The following SPEG variants were observed in gnomAD, a reference collection of about 807,000 sequenced individuals.
The protein encoded by SPEG is striated muscle enriched protein kinase.
A neutral mutation model predicts 300.4 loss-of-function variants in SPEG; 114 were observed. That is an observed-to-expected ratio of 0.38 (90% CI 0.33 to 0.44). SPEG has a LOEUF of 0.44. Ranked by LOEUF, SPEG falls within the 20% of genes least tolerant of loss-of-function variation. The pLI is 1.00. For synonymous variants in SPEG, 1,964 were observed against 2,018.9 expected, an observed-to-expected ratio of 0.97 and a Z score of 0.73; for missense variants, 4,201 against 4,586.2, an observed-to-expected ratio of 0.92 and a Z score of 2.43.
intron 6 of SPEG, among the ~76,000 whole-genome samples, chr2:219,457,978 C>T (rs1690323489): frequency 6.6e-6 from 1 of 152,184 alleles, no homozygotes; most frequent in South Asian, 2.1e-4. Context: ...CTCCCACGCC[C>T]CTTACCTGCT....
Position 219,479,714 on chromosome 2 carries a change from T to C in SPEG, c.5086-69T>C. On this transcript the variant is annotated intron_variant, in intron 23 of 40. Transcript: ENST00000312358. This position sits in a 1 kb window ranked among gnomAD's most constrained non-coding sequence, Gnocchi z 5.5. ...ACTCCACAGGCACAGCCGGACCGCT[T>C]GCCGCCCTGGAGGTGTTCAGACATA... is the stretch of plus-strand genomic sequence containing the variant. 6.8e-7 allele frequency: 1 copy of C among 1,469,494 alleles called. No individual in the cohort carries two copies. The highest frequency in any genetic ancestry group is 9.5e-7 in the Non-Finnish European group (1 of 1,051,876). 91.0% of individuals were successfully genotyped at this position (1,469,494 alleles called of 1,614,324 possible).
chr2:219,471,872 G>A lies in SPEG; in HGVS notation c.3720G>A (p.Arg1240=). Residue 1240 remains arginine (R), a synonymous_variant, in exon 14 of 41, where the codon AGG becomes AGA. Transcript: ENST00000312358. ...TCACTGTCCCTCCCCTCCCAGACAG[G>A]GATGTCCATCGCTTGGTGTTCCCTG... is the stretch of plus-strand genomic sequence containing the variant. ...SSDDRRMTQY[R]DVHRLVFPAV... 6.2e-7 allele frequency: 1 copy of A among 1,614,024 alleles called. No individual in the cohort carries two copies. The highest frequency in any genetic ancestry group is 8.5e-7 in the Non-Finnish European group (1 of 1,180,004).
intron 1 of SPEG, among the ~76,000 whole-genome samples, chr2:219,442,376 C>T (rs1688985709): frequency 6.6e-6 from 1 of 151,838 alleles, no homozygotes; most frequent in Admixed American, 6.5e-5. Context: ...CGTGGAGCGC[C>T]CACTTGCTTC....
intron 1 of SPEG, among the ~76,000 whole-genome samples, chr2:219,436,877 G>T (rs1249782615): frequency 1.3e-5 from 2 of 152,222 alleles, no homozygotes; most frequent in Admixed American, 6.5e-5. Flanking sequence ...GGCAAAGAGG[G>T]CTGAAAATAG....
chr2:219,434,994 G>T lies in SPEG; in HGVS notation c.17G>T (p.Gly6Val). The change falls in exon 1 of 41, where the codon GGC (glycine) becomes GTC (valine). Residue 6 changes from glycine to valine, a missense_variant. By Grantham distance (109) the Gly-to-Val change is moderately radical (BLOSUM62 -3). Coordinates refer to ENST00000312358, the MANE Select transcript of SPEG (RefSeq NM_005876.5). ...TCAGTGGCCATGCAGAAAGCCCGGG[G>T]CACGCGAGGCGAGGATGCGGGCACG... is the stretch of plus-strand genomic sequence containing the variant. MQKAR[G>V]TRGEDAGTRA... 3 of 1,505,638 alleles carry T rather than the reference G, an allele frequency of 2.0e-6. No homozygotes were observed. Among genetic ancestry groups the T allele is most frequent in the Non-Finnish European group, 2.6e-6 (3 of 1,134,956 alleles). The allele number at this position is 1,505,638 out of a possible 1,614,324, so 93.3% of individuals were successfully genotyped here.
At chr2:219,447,814 G>GTGCGCTCC (rs1303620686) in intron 3 of SPEG, among the ~76,000 whole-genome samples, 160 bp from the exon 4 acceptor site, 3 of 151,262 alleles carry the variant, frequency 2.0e-5, no homozygotes, top group Non-Finnish European at 3.0e-5. Context: ...TGCTCTGGCT[G>GTGCGCTCC]TGCGCTCCTC....
chr2:219,492,471 C>A, intron 40 of SPEG, 123 bp from the exon 41 acceptor site: 1 of 1,187,316 alleles, frequency 8.4e-7, no homozygotes, highest in Non-Finnish European at 1.2e-6. Flanking sequence ...AGCTCTTGAG[C>A]TGCCCAAGAT....
At chr2:219,455,648 T>C (rs1690119939) in intron 6 of SPEG, among the ~76,000 whole-genome samples, 1 of 152,130 alleles carries the variant, frequency 6.6e-6, no homozygotes, top group African/African-American at 2.4e-5. Flanking sequence ...TTCCTGTTGC[T>C]CTGAAGAAGT....
In SPEG at chr2:219,439,731, A is replaced by C. The variant is rs1461685385; in HGVS notation, c.388+4366A>C. Among the ~76,000 whole-genome samples the C allele has an allele frequency of 3.3e-5, 5 of 152,102 alleles. No individual in the cohort carries two copies. The highest frequency in any genetic ancestry group is 7.4e-5 in the Non-Finnish European group (5 of 68,010). On this transcript the variant is annotated intron_variant, in intron 1 of 40. Coordinates refer to ENST00000312358, the MANE Select transcript of SPEG (RefSeq NM_005876.5). This position sits in a 1 kb window ranked among gnomAD's most constrained non-coding sequence, Gnocchi z 4.5. ...TGAGCAGTGCCGACCCAGAGCAGGAACACAGAATCCTGCCGGCCCCTCCTG... is the reference window on the plus strand; with the variant it reads ...TGAGCAGTGCCGACCCAGAGCAGGACCACAGAATCCTGCCGGCCCCTCCTG...
Position 219,484,800 on chromosome 2 carries a change from G to T in SPEG, c.7337G>T (p.Arg2446Leu), listed in dbSNP as rs1480775378. Residue 2446 changes from arginine to leucine, a missense_variant, in exon 30 of 41, where the codon CGG becomes CTG. Arg to Leu is a moderately radical substitution (Grantham distance 102, BLOSUM62 -2). Transcript: ENST00000312358. ...GESSEGGSSA[R>L]GSPVLAMRRR... is the part of the protein sequence containing the mutation. Reference sequence around the variant, plus strand: ...AGCTCGGAGGGCGGGAGCTCGGCGCGGGGCTCCCCGGTGCTGGCGATGCGC... The same window carrying T: ...AGCTCGGAGGGCGGGAGCTCGGCGCTGGGCTCCCCGGTGCTGGCGATGCGC... 2.7e-6 allele frequency: 4 copies of T among 1,476,270 alleles called. No individual in the cohort carries two copies. Among genetic ancestry groups the T allele is most frequent in the Admixed American group, 2.4e-5 (1 of 41,450 alleles). 91.4% of individuals were successfully genotyped at this position (1,476,270 alleles called of 1,614,324 possible). A position where few individuals can be genotyped will look rare whatever the true frequency, so the allele number is the denominator to read the frequency against.
At position 219,490,980 on chromosome 2, in the gene SPEG, G is replaced by C. The variant is rs770454624; in HGVS notation, c.9385+24G>C. On this transcript the variant is annotated intron_variant, in intron 38 of 40. Coordinates refer to ENST00000312358, the MANE Select transcript of SPEG (RefSeq NM_005876.5). The stretch of plus-strand genomic sequence containing the variant: ...GGGTGAGGGGACCAGCTGCCAGCCA[G>C]GGTGGGGACAGGGCCCTGCCAGAGA... 3.1e-6 allele frequency: 5 copies of C among 1,594,036 alleles called. No individual in the cohort carries two copies. In the East Asian group the frequency reaches 1.1e-4, roughly 36 times the overall value.
Position 219,479,709 on chromosome 2 carries a change from C to A in SPEG, c.5086-74C>A. 1 of 1,415,972 alleles carries A rather than the reference C, an allele frequency of 7.1e-7. No individual in the cohort carries two copies. The highest frequency in any genetic ancestry group is 1.2e-5 in the South Asian group (1 of 86,726). The allele number at this position is 1,415,972 out of a possible 1,614,324, so 87.7% of individuals were successfully genotyped here. The stretch of plus-strand genomic sequence containing the variant: ...AGGCTACTCCACAGGCACAGCCGGA[C>A]CGCTTGCCGCCCTGGAGGTGTTCAG... On this transcript the variant is annotated intron_variant, in intron 23 of 40. Coordinates refer to ENST00000312358, the MANE Select transcript of SPEG (RefSeq NM_005876.5). This position sits in a 1 kb window ranked among gnomAD's most constrained non-coding sequence, Gnocchi z 5.5.
chr2:219,449,346 G>A (rs760235249), intron 4 of SPEG, 75 bp downstream of exon 4: 6 of 1,200,472 alleles, frequency 5.0e-6, no homozygotes, highest in Non-Finnish European at 6.4e-6. Flanking sequence ...AGACTGCTCA[G>A]CAGGAGCCGG....
At position 219,473,826 on chromosome 2, in the gene SPEG, G is replaced by A. The variant is rs752216303; in HGVS notation, c.4370G>A (p.Arg1457Gln). 4.3e-5 allele frequency: 70 copies of A among 1,613,810 alleles called. No individual in the cohort carries two copies. Among genetic ancestry groups the A allele is most frequent in the Non-Finnish European group, 5.0e-5 (59 of 1,180,024 alleles). The change falls in exon 18 of 41, where the codon CGG (arginine) becomes CAG (glutamine). Residue 1457 changes from arginine (R) to glutamine (Q), a missense_variant. Coordinates refer to ENST00000312358, the MANE Select transcript of SPEG (RefSeq NM_005876.5). This position sits in a 1 kb window ranked among gnomAD's most constrained non-coding sequence, Gnocchi z 4.6. ...CTTCGGATCTGCCGGGTGAGCCGCC[G>A]GGACATGGGGGCCCTCACCTGCACC... is the stretch of plus-strand genomic sequence containing the variant. ...YCLRICRVSR[R>Q]DMGALTCTAR...
In SPEG at chr2:219,477,245, G is replaced by A; in HGVS notation, c.4561-32G>A. 1 of 1,154,394 alleles carries A rather than the reference G, an allele frequency of 8.7e-7. No individual in the cohort carries two copies. The allele number at this position is 1,154,394 out of a possible 1,614,324, so 71.5% of individuals were successfully genotyped here. A position where few individuals can be genotyped will look rare whatever the true frequency, so the allele number is the denominator to read the frequency against. On this transcript the variant is annotated intron_variant, in intron 19 of 40. Coordinates refer to ENST00000312358, the MANE Select transcript of SPEG (RefSeq NM_005876.5). This position sits in a 1 kb window ranked among gnomAD's most constrained non-coding sequence, Gnocchi z 6.4. ...GGCCCCAAGGTAGAGATGAGGCCAG[G>A]CCCAGGCTGAAGGTGAGACCCCACT...
In SPEG at chr2:219,477,883, AC is replaced by A. The variant is rs1559410042; in HGVS notation, c.4827-17del. On this transcript the variant is annotated intron_variant, in intron 21 of 40. Coordinates refer to ENST00000312358, the MANE Select transcript of SPEG (RefSeq NM_005876.5). This position sits in a 1 kb window ranked among gnomAD's most constrained non-coding sequence, Gnocchi z 6.4. Reference sequence around the variant, plus strand: ...GGGCCACAGTGATGGCTGATCTCTGACCCCCTCCCTGTGTCAACCAGGGGTG... The same window carrying A: ...GGGCCACAGTGATGGCTGATCTCTGACCCCTCCCTGTGTCAACCAGGGGTG... The A allele has an allele frequency of 3.7e-6, 6 of 1,610,926 alleles. No individual in the cohort carries two copies. Among genetic ancestry groups the A allele is most frequent in the South Asian group, 3.3e-5 (3 of 90,942 alleles).
intron 18 of SPEG, 81 bp from the exon 19 acceptor site, chr2:219,476,789 G>A: frequency 9.2e-7 from 1 of 1,092,668 alleles, no homozygotes; most frequent in Non-Finnish European, 1.4e-6. Flanking sequence ...ACTGATGGGG[G>A]ATCTTGGGAG....
rs956145895 is a variant in SPEG at position 219,479,374 on chromosome 2, C to G, written c.5085+173C>G. Among the ~76,000 whole-genome samples the G allele has an allele frequency of 6.6e-6, 1 of 152,156 alleles. No homozygotes were observed. Among genetic ancestry groups the G allele is most frequent in the African/African-American group, 2.4e-5 (1 of 41,408 alleles). On this transcript the variant is annotated intron_variant, in intron 23 of 40. Coordinates refer to ENST00000312358, the MANE Select transcript of SPEG (RefSeq NM_005876.5). The surrounding 1 kb of genome is among the most constrained non-coding windows in gnomAD (Gnocchi z 5.5). Reference sequence around the variant, plus strand: ...AGTCCCCACCCAATGATACCAGACCCCCATCTATCTGAGACTTGTGCTATT... The same window carrying G: ...AGTCCCCACCCAATGATACCAGACCGCCATCTATCTGAGACTTGTGCTATT...
chr2:219,489,528 C>T lies in SPEG; in HGVS notation c.8510C>T (p.Ala2837Val). 1 of 1,613,214 alleles carries T rather than the reference C, an allele frequency of 6.2e-7. No individual in the cohort carries two copies. The highest frequency in any genetic ancestry group is 1.3e-5 in the African/African-American group (1 of 74,826). ...AGCCAGGCCTTGTCCTCGCTCAAGG[C>T]TGTGGGTCCACCACCCCAAACCCCT... is the stretch of plus-strand genomic sequence containing the variant. ...PPSQALSSLKAVGPPPQTPPR... is the reference protein window; with the variant it reads ...PPSQALSSLKVVGPPPQTPPR... Residue 2837 changes from alanine to valine, a missense_variant, in exon 36 of 41, where the codon GCT (alanine) becomes GTT (valine). This residue lies in a region of SPEG where 1,578 missense variants were observed against 1,506.0 expected (regional missense o/e 1.05). Coordinates refer to ENST00000312358, the MANE Select transcript of SPEG (RefSeq NM_005876.5).
Sources: allele counts gnomAD v4.1 joint callset (sites outside exome capture counted in the v4.1 genomes callset), GRCh38; gene constraint gnomAD v4.1.1; regional missense constraint gnomAD v4.1.1; non-coding constraint Gnocchi (gnomAD v3.1); transcripts MANE v1.5; gene names NCBI Gene and HGNC (gene_info 2026-07-23, HGNC 2026-07-21).